Variants in SLC22A15 observed in about 807,000 individuals in gnomAD.
The protein encoded by SLC22A15 is flipt 1.
SLC22A15 carries 45 observed loss-of-function variants against 62.7 expected under a neutral mutation model. The ratio of observed to expected loss-of-function variants is 0.72; its 90% CI spans 0.56 to 0.92. The LOEUF (loss-of-function observed/expected upper bound fraction) is 0.92. Ranked by LOEUF, SLC22A15 falls within the 40% of genes least tolerant of loss-of-function variation. The probability of loss-of-function intolerance (pLI) is 0.00; values close to 1 mark genes in which losing one functional copy is unlikely to be tolerated. For synonymous variants in SLC22A15, 264 were observed against 267.0 expected (o/e 0.99, Z 0.11); for missense variants, 622 against 665.6 (o/e 0.93, Z 0.72).
At position 115,984,344 on chromosome 1, in the gene SLC22A15, C is replaced by T. The variant is rs557294324; in HGVS notation, c.87+7630C>T. ...ACCTGCTCAAGTATCATATTAACAA[C>T]CTTTTCCTGATTCTCCTAGGTGGAA... On this transcript the variant is annotated intron_variant, in intron 1 of 11. Coordinates refer to ENST00000369503, the MANE Select transcript of SLC22A15 (RefSeq NM_018420.3). 5.3e-5 allele frequency among the ~76,000 whole-genome samples: 8 copies of T among 152,322 alleles called. No individual in the cohort carries two copies. In the East Asian group the frequency reaches 1.3e-3, roughly 26 times the overall value.
chr1:115,999,376 TG>T (rs1276209777), intron 2 of SLC22A15, among the ~76,000 whole-genome samples: 1 of 152,198 alleles, frequency 6.6e-6, no homozygotes, highest in Non-Finnish European at 1.5e-5. Context: ...ACCTATCTAG[TG>T]CTGAAAGTGA....
At chr1:116,041,242 T>C (rs1045950927) in intron 8 of SLC22A15, among the ~76,000 whole-genome samples, 1 of 152,226 alleles carries the variant, frequency 6.6e-6, no homozygotes, top group Non-Finnish European at 1.5e-5. Context: ...ATTTGACTTC[T>C]CTAGTGTCTA....
intron 8 of SLC22A15, among the ~76,000 whole-genome samples, chr1:116,045,149 T>C (rs997735209): frequency 5.9e-5 from 9 of 152,056 alleles, no homozygotes; most frequent in Non-Finnish European, 1.0e-4. Flanking sequence ...ATTCAAGGGA[T>C]TCTCCTGCCT....
chr1:115,999,256 G>A (rs903899161), intron 2 of SLC22A15, among the ~76,000 whole-genome samples: 22 of 152,140 alleles, frequency 1.4e-4, no homozygotes, highest in Non-Finnish European at 2.6e-4. Context: ...TGCATATTCT[G>A]CAGCTATTGG....
At chr1:116,065,239 T>C (rs909145482) in intron 10 of SLC22A15, among the ~76,000 whole-genome samples, 2 of 152,192 alleles carry the variant, frequency 1.3e-5, no homozygotes, top group East Asian at 3.9e-4. Flanking sequence ...CAACTGTTCA[T>C]TACTTAGGCA....
At chr1:116,055,635 A>T (rs1161928517) in intron 8 of SLC22A15, among the ~76,000 whole-genome samples, 1 of 151,570 alleles carries the variant, frequency 6.6e-6, no homozygotes, top group Non-Finnish European at 1.5e-5. Context: ...TCCTTGATGA[A>T]CATTGATGCA....
At chr1:116,012,380 G>A (rs1159083002) in intron 2 of SLC22A15, among the ~76,000 whole-genome samples, 17 of 151,294 alleles carry the variant, frequency 1.1e-4, no homozygotes, top group Admixed American at 1.1e-3. Context: ...CCTAGTTCAT[G>A]GATTAGCCTG....
intron 1 of SLC22A15, among the ~76,000 whole-genome samples, chr1:115,983,700 G>A (rs1323664888): frequency 4.6e-5 from 7 of 152,120 alleles, no homozygotes; most frequent in African/African-American, 1.7e-4. Flanking sequence ...TGAAGTGGCT[G>A]CCTTTCATCA....
intron 8 of SLC22A15, among the ~76,000 whole-genome samples, chr1:116,061,253 G>A (rs12406746): frequency 1.3e-5 from 2 of 152,202 alleles, no homozygotes; most frequent in Admixed American, 1.3e-4. Flanking sequence ...GGCAGTGTCT[G>A]AGGCACGCCA....
intron 2 of SLC22A15, among the ~76,000 whole-genome samples, chr1:115,992,677 A>G (rs1238105396): frequency 7.0e-6 from 1 of 143,140 alleles, no homozygotes; most frequent in Non-Finnish European, 1.5e-5. Context: ...GCTGGAGTGC[A>G]GTGGCGCAAT....
intron 2 of SLC22A15, among the ~76,000 whole-genome samples, chr1:115,998,716 C>T (rs1655555460): frequency 6.6e-6 from 1 of 151,422 alleles, no homozygotes; most frequent in African/African-American, 2.4e-5. Context: ...TTGGTTTTAT[C>T]TTTTCAAAAA....
chr1:115,993,478 T>C (rs987858334), intron 2 of SLC22A15, among the ~76,000 whole-genome samples: 2 of 151,862 alleles, frequency 1.3e-5, no homozygotes, highest in African/African-American at 4.8e-5. Context: ...TGTCTGTCTG[T>C]ATATATGTCT....
chr1:115,996,765 A>G (rs1655448366), intron 2 of SLC22A15, among the ~76,000 whole-genome samples: 1 of 151,922 alleles, frequency 6.6e-6, no homozygotes, highest in Admixed American at 6.6e-5. Flanking sequence ...AATTTCTTTA[A>G]TAGTTATAGC....
intron 9 of SLC22A15, among the ~76,000 whole-genome samples, chr1:116,064,131 A>T (rs1330112865): frequency 2.0e-5 from 3 of 152,188 alleles, no homozygotes; most frequent in Non-Finnish European, 4.4e-5. Context: ...TACTGGCTTC[A>T]TGTAGCTATT....
chr1:116,028,272 G>T (rs1657202909), intron 5 of SLC22A15, among the ~76,000 whole-genome samples: 1 of 151,700 alleles, frequency 6.6e-6, no homozygotes, highest in South Asian at 2.1e-4. Context: ...GAATTTGAGT[G>T]AGATAATTTT....
chr1:115,995,268 AG>A (rs953808621), intron 2 of SLC22A15, among the ~76,000 whole-genome samples: 2 of 152,074 alleles, frequency 1.3e-5, no homozygotes, highest in Non-Finnish European at 2.9e-5. Context: ...TTTCATTTCG[AG>A]GAATAGAAAA....
At position 115,976,669 on chromosome 1, in the gene SLC22A15, C is replaced by A. The variant is rs1160122906; in HGVS notation, c.42C>A (p.Gly14=). Residue 14 remains glycine (G), a synonymous_variant, in exon 1 of 12, where the codon GGC becomes GGA. Coordinates refer to ENST00000369503, the MANE Select transcript of SLC22A15 (RefSeq NM_018420.3). Reference sequence around the variant, plus strand: ...CGTTCCAGGCGGTGGGGGAGATGGGCATCTACCAGATGTACTTGTGCTTCC... The same window carrying A: ...CGTTCCAGGCGGTGGGGGAGATGGGAATCTACCAGATGTACTTGTGCTTCC... The part of the protein sequence containing the change: ...EEAFQAVGEM[G]IYQMYLCFLL... 1.3e-6 allele frequency: 2 copies of A among 1,588,728 alleles called. No individual in the cohort carries two copies. Among genetic ancestry groups the A allele is most frequent in the Non-Finnish European group, 8.6e-7 (1 of 1,169,234 alleles).
At chr1:115,982,148 A>C (rs1356963994) in intron 1 of SLC22A15, among the ~76,000 whole-genome samples, 2 of 152,220 alleles carry the variant, frequency 1.3e-5, no homozygotes, top group Admixed American at 6.5e-5. Flanking sequence ...TTGCCTTAGA[A>C]GAAAAAGACT....
intron 8 of SLC22A15, among the ~76,000 whole-genome samples, chr1:116,045,529 A>G (rs960399360): frequency 1.3e-4 from 20 of 151,494 alleles, no homozygotes; most frequent in Non-Finnish European, 2.8e-4. Context: ...TCCTGAGGTC[A>G]GGAGTTTGAG....
Sources: gnomAD v4.1 joint callset for allele counts (sites outside exome capture counted in the v4.1 genomes callset) on GRCh38, gnomAD v4.1.1 for gene constraint, MANE v1.5 for transcripts, NCBI Gene and HGNC (gene_info 2026-07-23, HGNC 2026-07-21) for gene names.